The following FER1L6 variants were observed in gnomAD, a reference collection of about 807,000 sequenced individuals.
FER1L6 encodes fer-1 like family member 6.
FER1L6 carries 177 observed loss-of-function variants against 219.2 expected under a neutral mutation model. The ratio of observed to expected loss-of-function variants is 0.81; its 90% confidence interval spans 0.71 to 0.91. FER1L6 has a LOEUF of 0.91. Among genes scored for constraint, FER1L6 ranks in the 40% least tolerant of loss-of-function variants. FER1L6 has a pLI of 0.00. For synonymous variants in FER1L6, 768 were observed against 824.3 expected (o/e 0.93, Z 1.17); for missense variants, 2,153 against 2,259.9 (o/e 0.95, Z 0.96).
chr8:123,855,788 G>A (rs891698669), intron 1 of FER1L6, among the ~76,000 whole-genome samples: 271 of 143,884 alleles, frequency 1.9e-3, no homozygotes, highest in African/African-American at 7.0e-3. Context: ...GTGTGTGTGT[G>A]TATATATATA....
At chr8:123,859,078 C>A (rs1227897552) in intron 1 of FER1L6, among the ~76,000 whole-genome samples, 13 of 152,076 alleles carry the variant, frequency 8.5e-5, no homozygotes, top group Non-Finnish European at 1.9e-4. Context: ...GGGCTCACTG[C>A]AACCTCTGCC....
At chr8:124,069,069 T>TG (rs1190366586) in intron 28 of FER1L6, among the ~76,000 whole-genome samples, 1 of 152,008 alleles carries the variant, frequency 6.6e-6, no homozygotes, top group African/African-American at 2.4e-5. Flanking sequence ...CCCGAGTAGC[T>TG]GGGACTACAG....
chr8:123,871,255 C>T (rs564893070), intron 1 of FER1L6, among the ~76,000 whole-genome samples: 3 of 152,194 alleles, frequency 2.0e-5, no homozygotes, highest in African/African-American at 7.2e-5. Flanking sequence ...GCTTGTGCTG[C>T]CAGCTGAAAG....
intron 1 of FER1L6, chr8:123,939,316 T>A: frequency 2.1e-6 from 1 of 468,066 alleles, no homozygotes; most frequent in Non-Finnish European, 2.8e-6. Flanking sequence ...AGACCAGGTT[T>A]ACCCCAGTGT....
intron 1 of FER1L6, among the ~76,000 whole-genome samples, chr8:123,905,379 C>T (rs1189771429): frequency 6.6e-6 from 1 of 152,162 alleles, no homozygotes; most frequent in East Asian, 1.9e-4. Context: ...TGGCTTCCAG[C>T]TTCATCCATG....
At chr8:123,909,722 T>A (rs1813018046) in intron 1 of FER1L6, among the ~76,000 whole-genome samples, 1 of 151,668 alleles carries the variant, frequency 6.6e-6, no homozygotes, top group Non-Finnish European at 1.5e-5. Context: ...AAATGTTAGC[T>A]TTTTCTTCTG....
intron 1 of FER1L6, among the ~76,000 whole-genome samples, chr8:123,871,078 G>A (rs954656862): frequency 1.3e-5 from 2 of 152,250 alleles, no homozygotes; most frequent in South Asian, 4.2e-4. Context: ...CTCACTTTTG[G>A]AATGGTTGGT....
chr8:123,941,531 G>C (rs906283536), intron 1 of FER1L6, among the ~76,000 whole-genome samples: 4 of 152,132 alleles, frequency 2.6e-5, no homozygotes, highest in Non-Finnish European at 2.9e-5. Context: ...GTACAGGGTG[G>C]TCCATTTGGT....
At chr8:123,959,327 G>A (rs758364019) in intron 2 of FER1L6, among the ~76,000 whole-genome samples, 3 of 152,106 alleles carry the variant, frequency 2.0e-5, no homozygotes, top group African/African-American at 7.2e-5. Context: ...CATATATAAC[G>A]TGTCTTTGAA....
chr8:124,105,429 G>A (rs891462285), intron 39 of FER1L6, among the ~76,000 whole-genome samples: 2 of 152,180 alleles, frequency 1.3e-5, no homozygotes, highest in African/African-American at 2.4e-5. Flanking sequence ...CAGCAGGGAG[G>A]GGATCTGCCT....
At chr8:124,115,889 A>G (rs1429597104) in intron 39 of FER1L6, among the ~76,000 whole-genome samples, 2 of 152,202 alleles carry the variant, frequency 1.3e-5, no homozygotes, top group South Asian at 2.1e-4. Context: ...ACTATTTGCT[A>G]TATGTGTTGT....
Position 123,975,951 on chromosome 8 carries a change from A to T in FER1L6, c.737A>T (p.Tyr246Phe). The T allele has an allele frequency of 6.2e-7, 1 of 1,613,922 alleles. No homozygotes were observed. The highest frequency in any genetic ancestry group is 8.5e-7 in the Non-Finnish European group (1 of 1,179,942). ...CTGGAGAGACCGTGGGCCAGATTCT[A>T]TGTGAGACTCTACAAAGCAGAAGGG... ...FPLERPWARF[Y>F]VRLYKAEGLP... The change falls in exon 9 of 41, where the codon TAT becomes TTT. Residue 246 changes from tyrosine to phenylalanine, a missense_variant. Tyr to Phe is a conservative substitution (Grantham distance 22). Coordinates refer to ENST00000522917, the MANE Select transcript of FER1L6 (RefSeq NM_001039112.2).
At chr8:123,957,064 C>T (rs1815053006) in intron 2 of FER1L6, among the ~76,000 whole-genome samples, 1 of 152,194 alleles carries the variant, frequency 6.6e-6, no homozygotes. Context: ...TTTTCTGGAC[C>T]ATTCCTAAAC....
At chr8:123,854,168 T>C (rs1816584137) in intron 1 of FER1L6, among the ~76,000 whole-genome samples, 1 of 152,220 alleles carries the variant, frequency 6.6e-6, no homozygotes, top group African/African-American at 2.4e-5. Flanking sequence ...CAATGCCTTA[T>C]GTTTGTAAAT....
rs938159172 is a variant in FER1L6 at position 123,923,350 on chromosome 8, G to T, written c.-7-32642G>T. Among the ~76,000 whole-genome samples, 6 of 152,176 alleles carry T rather than the reference G, an allele frequency of 3.9e-5. 1 individual carries two copies. Among genetic ancestry groups the T allele is most frequent in the African/African-American group, 1.4e-4 (6 of 41,438 alleles). ...GAATGAGATACAATGCACGGCCATT[G>T]GCTTTGATGCCCTTGCTTTTTCCAC... On this transcript the variant is annotated intron_variant, in intron 1 of 40. Transcript: ENST00000522917.
intron 36 of FER1L6, 61 bp downstream of exon 36, chr8:124,097,420 T>G: frequency 2.4e-6 from 3 of 1,228,456 alleles, no homozygotes; most frequent in Non-Finnish European, 2.4e-6. Context: ...GAAAGAATCA[T>G]GACATTTTAT....
In FER1L6 at chr8:124,063,508, G is replaced by A. The variant is rs149920890; in HGVS notation, c.3329-839G>A. Among the ~76,000 whole-genome samples the A allele has an allele frequency of 6.6e-3, 1,000 of 152,216 alleles. 9 individuals are homozygous for A. The highest frequency in any genetic ancestry group is 0.022 in the African/African-American group (896 of 41,542). On this transcript the variant is annotated intron_variant, in intron 25 of 40. Coordinates refer to ENST00000522917, the MANE Select transcript of FER1L6 (RefSeq NM_001039112.2). The stretch of plus-strand genomic sequence containing the variant: ...TGCAGTTTTCTCCACATAGAGCACC[G>A]TTTTCCCCCAAAGGGTCTACTAACC...
At chr8:123,879,108 G>C (rs1817060837) in intron 1 of FER1L6, among the ~76,000 whole-genome samples, 1 of 152,058 alleles carries the variant, frequency 6.6e-6, no homozygotes, top group Non-Finnish European at 1.5e-5. Context: ...GACCAGGCTG[G>C]AAAACACAGC....
intron 2 of FER1L6, among the ~76,000 whole-genome samples, chr8:123,957,181 C>G (rs1238124964): frequency 6.6e-6 from 1 of 152,228 alleles, no homozygotes; most frequent in African/African-American, 2.4e-5. Context: ...TTGTACCTAA[C>G]TTCACTCCTT....
Sources: allele counts gnomAD v4.1 joint callset (sites outside exome capture counted in the v4.1 genomes callset), GRCh38; gene constraint gnomAD v4.1.1; transcripts MANE v1.5; gene names NCBI Gene and HGNC (gene_info 2026-07-23, HGNC 2026-07-21).